RPS6KC1: variants seen among roughly 807,000 people sequenced by gnomAD.
The protein encoded by RPS6KC1 is inactive ribosomal protein S6 kinase delta-1.
Under a neutral mutation model 103.8 loss-of-function variants are expected in RPS6KC1, and 54 were observed. That is an observed-to-expected ratio of 0.52 (90% CI 0.42 to 0.65). RPS6KC1 has a LOEUF of 0.65. Among genes scored for constraint, RPS6KC1 ranks in the 30% least tolerant of loss-of-function variants. The pLI is 0.00. For missense variants in RPS6KC1, 1,151 were observed against 1,253.8 expected (o/e 0.92, Z 1.24); for synonymous variants, 439 against 438.7 (o/e 1.00, Z -0.01).
intron 2 of RPS6KC1, among the ~76,000 whole-genome samples, chr1:213,073,526 T>G (rs1209828310): frequency 6.6e-6 from 1 of 152,190 alleles, no homozygotes; most frequent in East Asian, 1.9e-4. Context: ...AATTAACCTG[T>G]ACCTGTTTCT....
chr1:213,445,851 G>T, the RPS6KC1 span, among the ~76,000 whole-genome samples: 3 of 152,120 alleles, frequency 2.0e-5, no homozygotes, highest in Admixed American at 1.3e-4. Context: ...CGCATTCATG[G>T]TGCACAAAGC....
At chr1:213,112,676 C>T (rs1395612272) in intron 4 of RPS6KC1, among the ~76,000 whole-genome samples, 1 of 151,894 alleles carries the variant, frequency 6.6e-6, no homozygotes, top group Non-Finnish European at 1.5e-5. Flanking sequence ...AACTCGTCAT[C>T]TAGCATTAGG....
the RPS6KC1 span, among the ~76,000 whole-genome samples, chr1:213,495,856 G>T: frequency 6.6e-6 from 1 of 152,128 alleles, no homozygotes. Context: ...ATTCTTAAAA[G>T]ATATAAATAC....
the RPS6KC1 span, among the ~76,000 whole-genome samples, chr1:213,612,794 C>T: frequency 6.6e-6 from 1 of 152,198 alleles, no homozygotes. Flanking sequence ...TCCTTTCTTT[C>T]TAACATACAT....
intron 6 of RPS6KC1, among the ~76,000 whole-genome samples, chr1:213,167,489 C>CACACAAAA (rs141541042): frequency 7.9e-6 from 1 of 126,130 alleles, no homozygotes; most frequent in Non-Finnish European, 1.6e-5. Flanking sequence ...CACACACACA[C>CACACAAAA]AACAGCTGTT....
At chr1:213,621,410 G>A in the RPS6KC1 span, among the ~76,000 whole-genome samples, 1 of 125,410 alleles carries the variant, frequency 8.0e-6, no homozygotes, top group Non-Finnish European at 1.6e-5. Context: ...GAAAGCAGGA[G>A]TTTGTGGGTG....
chr1:213,593,567 T>C, the RPS6KC1 span, among the ~76,000 whole-genome samples: 16 of 152,040 alleles, frequency 1.1e-4, no homozygotes, highest in Non-Finnish European at 7.4e-5. Flanking sequence ...CAATGATAGG[T>C]CCTAAACAGT....
At chr1:213,246,677 CT>C (rs1397359269) in intron 12 of RPS6KC1, among the ~76,000 whole-genome samples, 1 of 151,574 alleles carries the variant, frequency 6.6e-6, no homozygotes, top group Non-Finnish European at 1.5e-5. Context: ...TGTCAAAGTA[CT>C]TTTTTTTACT....
chr1:213,669,681 TA>T, the RPS6KC1 span, among the ~76,000 whole-genome samples: 1 of 152,120 alleles, frequency 6.6e-6, no homozygotes, highest in African/African-American at 2.4e-5. Context: ...CAGAGAGCAA[TA>T]AAATGAGGTT....
the RPS6KC1 span, among the ~76,000 whole-genome samples, chr1:213,670,702 T>C: frequency 2.0e-5 from 3 of 152,176 alleles, no homozygotes; most frequent in Non-Finnish European, 4.4e-5. Context: ...ACCTGGAAGC[T>C]GCAAAGTGCA....
intron 6 of RPS6KC1, among the ~76,000 whole-genome samples, chr1:213,153,320 G>A (rs1261224036): frequency 6.6e-6 from 1 of 151,870 alleles, no homozygotes; most frequent in Non-Finnish European, 1.5e-5. Context: ...GGCAGGGGCA[G>A]GGGCAGGGGC....
At chr1:213,257,189 G>A (rs1432256780) in intron 12 of RPS6KC1, among the ~76,000 whole-genome samples, 3 of 152,104 alleles carry the variant, frequency 2.0e-5, no homozygotes, top group African/African-American at 4.8e-5. Flanking sequence ...TCTGGGGTGC[G>A]TGTTCCCTGC....
chr1:213,288,615 G>A, the RPS6KC1 span, among the ~76,000 whole-genome samples: 7 of 152,132 alleles, frequency 4.6e-5, no homozygotes, highest in Non-Finnish European at 1.0e-4. Context: ...AGTAAACTTC[G>A]ATTTGGCTTG....
chr1:213,655,287 C>T, the RPS6KC1 span, among the ~76,000 whole-genome samples: 15 of 151,930 alleles, frequency 9.9e-5, no homozygotes, highest in South Asian at 2.1e-4. Flanking sequence ...AAGTGAGCCA[C>T]CTGTTTCGGC....
At chr1:213,189,482 A>G (rs1235165414) in intron 8 of RPS6KC1, among the ~76,000 whole-genome samples, 2 of 150,336 alleles carry the variant, frequency 1.3e-5, no homozygotes, top group Non-Finnish European at 3.0e-5. Context: ...GTACGTTGAC[A>G]TATCCTCACA....
At chr1:213,690,404 C>T in the RPS6KC1 span, among the ~76,000 whole-genome samples, 9 of 152,212 alleles carry the variant, frequency 5.9e-5, no homozygotes, top group Non-Finnish European at 8.8e-5. Context: ...ACCAGTGCTG[C>T]ATAGCCTTCC....
chr1:213,361,590 G>GTAC, the RPS6KC1 span, among the ~76,000 whole-genome samples: 2 of 152,206 alleles, frequency 1.3e-5, no homozygotes, highest in Non-Finnish European at 2.9e-5. Flanking sequence ...GATGAACCCG[G>GTAC]TACCTCAATT....
At chr1:213,361,067 C>G in the RPS6KC1 span, among the ~76,000 whole-genome samples, 2 of 152,204 alleles carry the variant, frequency 1.3e-5, no homozygotes, top group African/African-American at 2.4e-5. Flanking sequence ...CTGGGAGAAC[C>G]ACTACTCTCT....
the RPS6KC1 span, among the ~76,000 whole-genome samples, chr1:213,844,530 A>C: frequency 6.6e-6 from 1 of 152,196 alleles, no homozygotes; most frequent in Non-Finnish European, 1.5e-5. Context: ...GAATATGCTG[A>C]AAGAAGTACT....
Sources: allele counts gnomAD v4.1 joint callset (sites outside exome capture counted in the v4.1 genomes callset), GRCh38; gene constraint gnomAD v4.1.1; transcripts MANE v1.5; gene names NCBI Gene and HGNC (gene_info 2026-07-23, HGNC 2026-07-21).